The following TTC13 variants were observed in gnomAD, a reference collection of about 807,000 sequenced individuals.
TTC13 encodes the protein tetratricopeptide repeat domain 13, also known as tetratricopeptide repeat protein 13.
TTC13 carries 62 observed loss-of-function variants against 120.0 expected under a neutral mutation model. The ratio of observed to expected loss-of-function variants is 0.52; its 90% CI spans 0.42 to 0.64. The LOEUF (loss-of-function observed/expected upper bound fraction) is 0.64. TTC13 is among the 30% of genes least tolerant of loss of function. The pLI, the probability that TTC13 is intolerant of heterozygous loss-of-function variation, is 0.00. For missense variants in TTC13, 824 were observed against 1,050.2 expected, an observed-to-expected ratio of 0.78 and a Z score of 2.98; for synonymous variants, 384 against 393.5, an observed-to-expected ratio of 0.98 and a Z score of 0.28.
chr1:230,963,301 G>A (rs1188070085), intron 1 of TTC13, among the ~76,000 whole-genome samples: 1 of 152,090 alleles, frequency 6.6e-6, no homozygotes, highest in East Asian at 1.9e-4. Flanking sequence ...AACCATTACT[G>A]AAGCTGCAAT....
rs768542202 is a variant in TTC13, at chr1:230,906,670, C to T, written c.*235G>A. The T allele has an allele frequency of 6.3e-5, 16 of 255,212 alleles. No homozygotes were observed. Among genetic ancestry groups the T allele is most frequent in the South Asian group, 4.9e-4 (3 of 6,116 alleles). The allele number at this position is 255,212 out of a possible 1,614,324, so 15.8% of individuals were successfully genotyped here. The stretch of plus-strand genomic sequence containing the variant: ...TTATAAGTGGGAACCAACAGGCTGC[C>T]GGCTAATACATACGCTTTCCCTCCA... On this transcript the variant is annotated 3_prime_UTR_variant, in exon 23 of 23. Coordinates refer to ENST00000366661, the MANE Select transcript of TTC13 (RefSeq NM_024525.5).
chr1:230,941,246 C>T lies in TTC13; in HGVS notation c.673-690G>A, dbSNP rs1406224859. Among the ~76,000 whole-genome samples, 5 of 152,128 alleles carry T rather than the reference C, an allele frequency of 3.3e-5. No individual in the cohort carries two copies. In the South Asian group the frequency reaches 1.0e-3, roughly 32 times the overall value. ...TCCAAAATGGGTATCAGTGTTCATG[C>T]AATTAAGCCCAAGCACTTTATCCTG... On this transcript the variant is annotated intron_variant, in intron 6 of 22. Transcript: ENST00000366661.
intron 1 of TTC13, among the ~76,000 whole-genome samples, chr1:230,975,476 T>A: frequency 6.6e-6 from 1 of 152,132 alleles, no homozygotes; most frequent in Non-Finnish European, 1.5e-5. Flanking sequence ...AGGAAAGAAT[T>A]GGAAAAATAC....
Position 230,929,018 on chromosome 1 carries a change from C to T in TTC13, c.1376G>A (p.Ser459Asn), listed in dbSNP as rs753312962. Residue 459 changes from serine (S) to asparagine (N), a missense_variant, in exon 12 of 23, where the codon AGC becomes AAC. By Grantham distance (46) the Ser-to-Asn change is conservative. Coordinates refer to ENST00000366661, the MANE Select transcript of TTC13 (RefSeq NM_024525.5). ...ATTTTTAGCCCAGTGGTCCTTAAAG[C>T]TTCCAGGCAGATCCACATCAATGTT... ...EYNIDVDLPG[S>N]FKDHWAKNLP... 1 of 1,614,184 alleles carries T rather than the reference C, an allele frequency of 6.2e-7. No individual in the cohort carries two copies. Among genetic ancestry groups the T allele is most frequent in the Non-Finnish European group, 8.5e-7 (1 of 1,180,028 alleles).
At position 230,924,890 on chromosome 1, in the gene TTC13, G is replaced by C. The variant is rs752719200; in HGVS notation, c.1672C>G (p.Arg558Gly). 3.7e-6 allele frequency: 6 copies of C among 1,614,010 alleles called. No homozygotes were observed. In the African/African-American group the frequency reaches 6.7e-5, roughly 18 times the overall value. The change falls in exon 14 of 23, where the codon CGG (arginine) becomes GGG (glycine). Residue 558 changes from arginine (R) to glycine (G), a missense_variant. Transcript: ENST00000366661. Reference protein sequence around the residue: ...NSKVRMNGKTRLMQWRDMFDI... With the variant: ...NSKVRMNGKTGLMQWRDMFDI... Reference sequence around the variant, plus strand: ...AACATGTCTCTCCACTGCATCAACCGTGTCTTCCCATTCATTCGAACTTTC... The same window carrying C: ...AACATGTCTCTCCACTGCATCAACCCTGTCTTCCCATTCATTCGAACTTTC...
chr1:230,978,108 G>A lies in TTC13; in HGVS notation c.271+452C>T, dbSNP rs1031382968. Among the ~76,000 whole-genome samples the A allele has an allele frequency of 6.6e-6, 1 of 152,232 alleles. No homozygotes were observed. Among genetic ancestry groups the A allele is most frequent in the Non-Finnish European group, 1.5e-5 (1 of 68,038 alleles). ...GGGAGGTCAGGAAGCCTGATTTCCA[G>A]GCCTAAGATGTGCCAGGCGTCTCCC... On this transcript the variant is annotated intron_variant, in intron 1 of 22. Coordinates refer to ENST00000366661, the MANE Select transcript of TTC13 (RefSeq NM_024525.5). This position sits in a 1 kb window ranked among gnomAD's most constrained non-coding sequence, Gnocchi z 5.6.
chr1:230,947,234 C>T (rs1383721425), intron 4 of TTC13, among the ~76,000 whole-genome samples: 1 of 151,936 alleles, frequency 6.6e-6, no homozygotes, highest in Non-Finnish European at 1.5e-5. Flanking sequence ...AAGTATTCTT[C>T]CTGGCTTAAA....
chr1:230,913,626 G>A (rs564986840), intron 18 of TTC13, among the ~76,000 whole-genome samples: 4 of 152,338 alleles, frequency 2.6e-5, no homozygotes, highest in Admixed American at 1.3e-4. Flanking sequence ...GCTGGTATGA[G>A]CCACCACTTC....
chr1:230,916,293 TATTA>T lies in TTC13; in HGVS notation c.1989_1992del (p.Phe663LeufsTer10). The T allele has an allele frequency of 6.2e-7, 1 of 1,613,224 alleles. No individual in the cohort carries two copies. Among genetic ancestry groups the T allele is most frequent in the Non-Finnish European group, 8.5e-7 (1 of 1,179,148 alleles). ...ACGGTGAACCCATCCTTCGTTTTAG[TATTA>T]AACTGCTTTCAGGGAAAAAGAAAAT... On this transcript the variant is annotated frameshift_variant, in exon 18 of 23. Transcript: ENST00000366661. LOFTEE classifies it high-confidence loss of function.
chr1:230,965,929 G>A (rs1457873680), intron 1 of TTC13, among the ~76,000 whole-genome samples: 2 of 152,168 alleles, frequency 1.3e-5, no homozygotes, highest in Admixed American at 1.3e-4. Flanking sequence ...GGGATTACAG[G>A]CATGAATCAC....
chr1:230,957,238 A>G (rs1391018951), intron 3 of TTC13, among the ~76,000 whole-genome samples: 3 of 152,218 alleles, frequency 2.0e-5, no homozygotes, highest in Admixed American at 2.0e-4. Context: ...AGAGTTTGAT[A>G]CCAGCCTGGG....
At chr1:230,931,691 A>G in intron 10 of TTC13, 45 bp downstream of exon 10, 2 of 1,604,606 alleles carry the variant, frequency 1.2e-6, no homozygotes, top group Non-Finnish European at 1.7e-6. Flanking sequence ...AATGAAGAAT[A>G]ATCCAGTAAT....
In TTC13 at chr1:230,924,864, A is replaced by G. The variant is rs766170823; in HGVS notation, c.1698T>C (p.Phe566=). The G allele has an allele frequency of 6.2e-7, 1 of 1,614,244 alleles. No homozygotes were observed. The highest frequency in any genetic ancestry group is 1.7e-5 in the Admixed American group (1 of 60,028). The change falls in exon 14 of 23, where the codon TTT becomes TTC. Residue 566 remains phenylalanine, a synonymous_variant. Transcript: ENST00000366661. The part of the protein sequence containing the change: ...KTRLMQWRDM[F]DIAVKWRRIA... ...ACCTTCTCCATTTAACTGCAATGTC[A>G]AACATGTCTCTCCACTGCATCAACC... is the stretch of plus-strand genomic sequence containing the variant.
In TTC13 at chr1:230,954,313, T is replaced by C; in HGVS notation, c.513+20A>G. 3.1e-6 allele frequency: 5 copies of C among 1,594,324 alleles called. No homozygotes were observed. Among genetic ancestry groups the C allele is most frequent in the Non-Finnish European group, 4.3e-6 (5 of 1,164,086 alleles). On this transcript the variant is annotated intron_variant, in intron 4 of 22. Transcript: ENST00000366661. ...TCATGACCATAAACTCAAAATTACA[T>C]AAATAAGAAGAAAATTTACCTGAAG... is the stretch of plus-strand genomic sequence containing the variant.
In TTC13 at chr1:230,948,581, C is replaced by T. The variant is rs372696236; in HGVS notation, c.514-3127G>A. ...AAGCCTAGCTCACTACAGCCTCAAA[C>T]TCCTGGGCTCAAACTCCCACCTCAG... is the stretch of plus-strand genomic sequence containing the variant. On this transcript the variant is annotated intron_variant, in intron 4 of 22. Transcript: ENST00000366661. Among the ~76,000 whole-genome samples the T allele has an allele frequency of 9.1e-4, 139 of 151,970 alleles. 1 individual carries two copies. The highest frequency in any genetic ancestry group is 3.2e-3 in the African/African-American group (131 of 41,442).
In TTC13 at chr1:230,945,599, A is replaced by C; in HGVS notation, c.514-145T>G. The C allele has an allele frequency of 4.1e-6, 3 of 732,554 alleles. No individual in the cohort carries two copies. In the South Asian group the frequency reaches 4.5e-5, roughly 11 times the overall value. The allele number at this position is 732,554 out of a possible 1,614,324, so 45.4% of individuals were successfully genotyped here. A position where few individuals can be genotyped will look rare whatever the true frequency, so the allele number is the denominator to read the frequency against. On this transcript the variant is annotated intron_variant, in intron 4 of 22. Transcript: ENST00000366661. Reference sequence around the variant, plus strand: ...ACTCGTAAGTCAATACGCAGTCTCCAACCTGAAAAGTCTATGTTCTTAAAG... The same window carrying C: ...ACTCGTAAGTCAATACGCAGTCTCCCACCTGAAAAGTCTATGTTCTTAAAG...
At chr1:230,914,235 T>C (rs973831793) in intron 18 of TTC13, among the ~76,000 whole-genome samples, 3 of 152,134 alleles carry the variant, frequency 2.0e-5, no homozygotes, top group African/African-American at 4.8e-5. Context: ...GATCCACTTA[T>C]ACGAGGATTT....
intron 12 of TTC13, among the ~76,000 whole-genome samples, chr1:230,926,117 A>C (rs1673029573): frequency 6.6e-6 from 1 of 152,052 alleles, no homozygotes; most frequent in Non-Finnish European, 1.5e-5. Context: ...GAAACTCTAA[A>C]TTACAGGTTG....
In TTC13 at chr1:230,908,841, C is replaced by G. The variant is rs371172185; in HGVS notation, c.2389-50G>C. On this transcript the variant is annotated intron_variant, in intron 21 of 22. Coordinates refer to ENST00000366661, the MANE Select transcript of TTC13 (RefSeq NM_024525.5). ...TGTTACTAAACATGGAGGACACAGG[C>G]TCGGCTGGAGATCTATGTAACTCGT... 1.2e-5 allele frequency: 20 copies of G among 1,606,716 alleles called. No individual in the cohort carries two copies. In the African/African-American group the frequency reaches 2.3e-4, roughly 18 times the overall value.
Sources: allele counts gnomAD v4.1 joint callset (sites outside exome capture counted in the v4.1 genomes callset), GRCh38; gene constraint gnomAD v4.1.1; non-coding constraint Gnocchi (gnomAD v3.1); transcripts MANE v1.5; gene names NCBI Gene and HGNC (gene_info 2026-07-23, HGNC 2026-07-21).